Variants in ABTB2 observed in about 807,000 individuals in gnomAD.
ABTB2 encodes ankyrin repeat and BTB/POZ domain-containing protein 2.
In ABTB2, 56 loss-of-function variants were observed where a neutral mutation model predicts 104.1. That is an observed-to-expected ratio of 0.54 (90% CI 0.43 to 0.67). The LOEUF is 0.67. ABTB2 is among the 30% of genes least tolerant of loss of function. The pLI is 0.00. For missense variants in ABTB2, 1,279 were observed against 1,407.7 expected, an observed-to-expected ratio of 0.91 and a Z score of 1.46; for synonymous variants, 606 against 608.2, an observed-to-expected ratio of 1.00 and a Z score of 0.05.
At chr11:34,344,648 C>A (rs1470415366) in intron 1 of ABTB2, among the ~76,000 whole-genome samples, 1 of 152,176 alleles carries the variant, frequency 6.6e-6, no homozygotes, top group African/African-American at 2.4e-5. Context: ...AGATGTGCAC[C>A]ATTATACCTG....
chr11:34,163,597 C>T (rs139360665), intron 9 of ABTB2, among the ~76,000 whole-genome samples: 1 of 152,180 alleles, frequency 6.6e-6, no homozygotes, highest in Non-Finnish European at 1.5e-5. Flanking sequence ...GGTGGTGCTG[C>T]AAGGTTCCTG....
At chr11:34,172,395 A>AAATATAT (rs1554980662) in intron 4 of ABTB2, among the ~76,000 whole-genome samples, 10 of 29,056 alleles carry the variant, frequency 3.4e-4, no homozygotes, top group Non-Finnish European at 6.9e-4. Flanking sequence ...AAAAAAAAAA[A>AAATATAT]ATATATATAT....
intron 1 of ABTB2, among the ~76,000 whole-genome samples, chr11:34,348,104 T>C (rs1326527518): frequency 1.3e-5 from 2 of 152,218 alleles, no homozygotes; most frequent in African/African-American, 4.8e-5. Flanking sequence ...GAAGGGTTGA[T>C]AGAAGCCTTG....
At chr11:34,339,067 T>G (rs1283511724) in intron 1 of ABTB2, among the ~76,000 whole-genome samples, 6 of 152,208 alleles carry the variant, frequency 3.9e-5, no homozygotes, top group Non-Finnish European at 7.3e-5. Context: ...TTAACTGTTT[T>G]ATATACATTT....
chr11:34,152,427 G>A lies in ABTB2; in HGVS notation c.3038C>T (p.Ala1013Val), dbSNP rs746443994. ...DPLQDLQNTL[A>V]ERVHSVYITS... is the part of the protein sequence containing the mutation. ...GATGTAGACAGAGTGCACGCGCTCT[G>A]CCAGGGTGTTCTGCAGGTCCTGCAG... The change falls in exon 17 of 17, where the codon GCA (alanine) becomes GTA (valine). Residue 1013 changes from alanine (A) to valine (V), a missense_variant. Ala to Val is a moderately conservative substitution (Grantham distance 64). Transcript: ENST00000435224. 5 of 1,591,630 alleles carry A rather than the reference G, an allele frequency of 3.1e-6. No individual in the cohort carries two copies. Among genetic ancestry groups the A allele is most frequent in the South Asian group, 2.3e-5 (2 of 87,566 alleles).
chr11:34,254,113 C>T (rs1854090257), intron 1 of ABTB2, among the ~76,000 whole-genome samples: 1 of 152,196 alleles, frequency 6.6e-6, no homozygotes, highest in South Asian at 2.1e-4. Context: ...AAATGCTTTG[C>T]AGACACTATT....
chr11:34,280,469 C>T (rs1468256874), intron 1 of ABTB2, among the ~76,000 whole-genome samples: 2 of 152,170 alleles, frequency 1.3e-5, no homozygotes, highest in Non-Finnish European at 2.9e-5. Context: ...ACTCTGACAA[C>T]TGCCCTGGAG....
chr11:34,221,833 G>A (rs905717546), intron 1 of ABTB2, among the ~76,000 whole-genome samples: 30 of 152,192 alleles, frequency 2.0e-4, no homozygotes, highest in African/African-American at 6.0e-4. Flanking sequence ...GAGGTCGGGA[G>A]TTCCAGACCA....
rs115533709 is a variant in ABTB2, at chr11:34,306,765, G to A, written c.883+49936C>T. On this transcript the variant is annotated intron_variant, in intron 1 of 16. Transcript: ENST00000435224. Reference sequence around the variant, plus strand: ...AAAACCGAGAAAAGAAAGATTGGAAGGTACACCACTTTCTTTAGTTATCTT... The same window carrying A: ...AAAACCGAGAAAAGAAAGATTGGAAAGTACACCACTTTCTTTAGTTATCTT... Among the ~76,000 whole-genome samples, 1,360 of 151,728 alleles carry A rather than the reference G, an allele frequency of 9.0e-3. 33 individuals carry two copies. The highest frequency in any genetic ancestry group is 0.032 in the African/African-American group (1,309 of 41,382).
At chr11:34,325,061 A>C (rs1855053408) in intron 1 of ABTB2, among the ~76,000 whole-genome samples, 1 of 152,088 alleles carries the variant, frequency 6.6e-6, no homozygotes, top group Admixed American at 6.6e-5. Flanking sequence ...TGGCCCCCTC[A>C]AAGTGCTGGG....
chr11:34,185,328 CAG>C (rs987219118), intron 3 of ABTB2, among the ~76,000 whole-genome samples: 1 of 152,180 alleles, frequency 6.6e-6, no homozygotes, highest in Non-Finnish European at 1.5e-5. Context: ...CCAGCCCAGA[CAG>C]AGAGAGAGGA....
At chr11:34,273,703 T>C (rs1045037301) in intron 1 of ABTB2, among the ~76,000 whole-genome samples, 2 of 151,968 alleles carry the variant, frequency 1.3e-5, no homozygotes, top group Non-Finnish European at 2.9e-5. Flanking sequence ...TCAAAGTTCC[T>C]AAAACCTTGC....
intron 3 of ABTB2, among the ~76,000 whole-genome samples, chr11:34,175,738 G>A (rs578037513): frequency 1.4e-4 from 21 of 152,296 alleles, no homozygotes; most frequent in Admixed American, 2.6e-4. Context: ...GGCCAGTAAA[G>A]CCTCACTATC....
intron 1 of ABTB2, among the ~76,000 whole-genome samples, chr11:34,291,316 G>A (rs1379565401): frequency 6.6e-6 from 1 of 152,192 alleles, no homozygotes; most frequent in Admixed American, 6.5e-5. Flanking sequence ...GGATGAAGGG[G>A]TCTGTAAGCA....
chr11:34,195,911 G>A (rs1294115803), intron 3 of ABTB2, among the ~76,000 whole-genome samples: 1 of 152,196 alleles, frequency 6.6e-6, no homozygotes, highest in Non-Finnish European at 1.5e-5. Flanking sequence ...CGGACAGCCA[G>A]GCAAGGGGAC....
intron 1 of ABTB2, among the ~76,000 whole-genome samples, chr11:34,254,628 T>A (rs193149538): frequency 6.6e-6 from 1 of 151,864 alleles, no homozygotes; most frequent in East Asian, 1.9e-4. Context: ...TAGCCACATG[T>A]GGTTTTTGGG....
intron 1 of ABTB2, among the ~76,000 whole-genome samples, chr11:34,292,414 C>T (rs1279241866): frequency 2.0e-5 from 3 of 152,206 alleles, no homozygotes; most frequent in Non-Finnish European, 4.4e-5. Flanking sequence ...TAGTCATGGT[C>T]TGTGAAGATG....
At chr11:34,214,531 ACT>A (rs1491161768) in intron 1 of ABTB2, among the ~76,000 whole-genome samples, 1 of 117,698 alleles carries the variant, frequency 8.5e-6, no homozygotes, top group African/African-American at 3.6e-5. Context: ...TAAAAATACC[ACT>A]TTTTTTTTTT....
chr11:34,181,676 G>C (rs564574271), intron 3 of ABTB2, among the ~76,000 whole-genome samples: 1 of 152,204 alleles, frequency 6.6e-6, no homozygotes, highest in African/African-American at 2.4e-5. Flanking sequence ...AGCATACAAC[G>C]TTCTGGGGTG....
Sources: allele counts gnomAD v4.1 joint callset (sites outside exome capture counted in the v4.1 genomes callset), GRCh38; gene constraint gnomAD v4.1.1; transcripts MANE v1.5; gene names NCBI Gene and HGNC (gene_info 2026-07-23, HGNC 2026-07-21).